SLC1A3: variants seen among roughly 807,000 people sequenced by gnomAD.
SLC1A3 encodes solute carrier family 1 member 3.
SLC1A3 carries 21 observed loss-of-function variants against 48.1 expected under a neutral mutation model. The ratio of observed to expected loss-of-function variants is 0.44; its 90% CI spans 0.31 to 0.63. The LOEUF (loss-of-function observed/expected upper bound fraction) is 0.63, where lower values mean the gene tolerates loss of function less well. Ranked by LOEUF, SLC1A3 falls within the 20% of genes least tolerant of loss-of-function variation. SLC1A3 has a pLI of 0.08. For missense variants in SLC1A3, 546 were observed against 689.0 expected (o/e 0.79, Z 2.32); for synonymous variants, 239 against 251.4 (o/e 0.95, Z 0.47).
At chr5:36,649,324 G>C (rs1189478995) in intron 3 of SLC1A3, 1 of 94,608 alleles carries the variant, frequency 1.1e-5, no homozygotes, top group African/African-American at 2.9e-5. Flanking sequence ...CTCCAGCCTG[G>C]GCAACAAAAG....
intron 3 of SLC1A3, among the ~76,000 whole-genome samples, chr5:36,662,078 G>T (rs916126896): frequency 6.6e-6 from 1 of 152,190 alleles, no homozygotes; most frequent in Non-Finnish European, 1.5e-5. Context: ...GGAAAGAAAG[G>T]GAGACAGGCT....
intron 3 of SLC1A3, among the ~76,000 whole-genome samples, chr5:36,643,364 G>A (rs1740697195): frequency 6.6e-6 from 1 of 151,924 alleles, no homozygotes; most frequent in African/African-American, 2.4e-5. Context: ...TATCAGGGTG[G>A]GTATTAAATG....
At chr5:36,621,633 GA>G (rs1000793253) in intron 2 of SLC1A3, among the ~76,000 whole-genome samples, 12 of 152,028 alleles carry the variant, frequency 7.9e-5, no homozygotes, top group Non-Finnish European at 1.6e-4. Context: ...TTACAAATTA[GA>G]AAAAAAATTT....
At chr5:36,661,962 C>T (rs145371119) in intron 3 of SLC1A3, among the ~76,000 whole-genome samples, 1,679 of 152,206 alleles carry the variant, frequency 0.011, 24 homozygotes, top group Non-Finnish European at 0.014. Context: ...GACAGTCATG[C>T]GGGAAGGTCT....
intron 3 of SLC1A3, among the ~76,000 whole-genome samples, chr5:36,660,014 A>G (rs1258509054): frequency 6.6e-6 from 1 of 152,282 alleles, no homozygotes; most frequent in South Asian, 2.1e-4. Context: ...TACCTTATGT[A>G]TAGTTCTTCT....
intron 5 of SLC1A3, 63 bp downstream of exon 5, chr5:36,674,154 G>A: frequency 7.7e-7 from 1 of 1,302,136 alleles, no homozygotes; most frequent in South Asian, 1.2e-5. Flanking sequence ...AAACCAAGTG[G>A]GACCCTCTTT....
At chr5:36,637,091 CTG>C (rs1197577354) in intron 3 of SLC1A3, among the ~76,000 whole-genome samples, 1 of 152,204 alleles carries the variant, frequency 6.6e-6, no homozygotes, top group African/African-American at 2.4e-5. Context: ...TCTTCTGTGC[CTG>C]TTCTCCAGGA....
At chr5:36,632,055 C>T (rs571649296) in intron 3 of SLC1A3, among the ~76,000 whole-genome samples, 15 of 152,122 alleles carry the variant, frequency 9.9e-5, no homozygotes, top group Non-Finnish European at 1.8e-4. Context: ...TTTTTGTTTT[C>T]CTATTTTGAT....
At chr5:36,627,667 G>T (rs1864213) in intron 2 of SLC1A3, among the ~76,000 whole-genome samples, 97,082 of 152,026 alleles carry the variant, frequency 0.64, 31,304 homozygotes, top group Admixed American at 0.71. Context: ...ATGTTTATGG[G>T]GACCGTATAT....
chr5:36,656,219 A>T (rs1374321809), intron 3 of SLC1A3, among the ~76,000 whole-genome samples: 1 of 152,192 alleles, frequency 6.6e-6, no homozygotes, highest in African/African-American at 2.4e-5. Flanking sequence ...CTGAAAGGTC[A>T]TTGTTATTAT....
upstream of SLC1A3, among the ~76,000 whole-genome samples, chr5:36,603,017 C>T (rs1738825287): frequency 6.6e-6 from 1 of 152,198 alleles, no homozygotes; most frequent in South Asian, 2.1e-4. Context: ...TGTAAATGCT[C>T]CTCCTGCCCC....
At chr5:36,603,939 AAATTTCCT>A (rs569162866), upstream of SLC1A3, among the ~76,000 whole-genome samples, 8 of 152,334 alleles carry the variant, frequency 5.3e-5, no homozygotes, top group African/African-American at 1.9e-4. Context: ...CAATTAACCA[AAATTTCCT>A]AATTTTGAAT....
intron 6 of SLC1A3, among the ~76,000 whole-genome samples, chr5:36,678,289 T>A (rs145281931): frequency 8.8e-4 from 134 of 152,290 alleles, no homozygotes; most frequent in Non-Finnish European, 1.1e-3. Flanking sequence ...CAAAGACAGA[T>A]CAGAATGTGG....
chr5:36,686,123 G>A lies in SLC1A3; in HGVS notation c.1483G>A (p.Glu495Lys), dbSNP rs1449022570. 6 of 1,614,188 alleles carry A rather than the reference G, an allele frequency of 3.7e-6. No homozygotes were observed. In the East Asian group the frequency reaches 1.1e-4, roughly 30 times the overall value. Residue 495 changes from glutamate to lysine, a missense_variant, in exon 10 of 10, where the codon GAG (glutamate) becomes AAG (lysine). Around this residue, in one of 3 missense-constraint regions of SLC1A3, gnomAD observed 56 missense variants for 59.0 expected, o/e 0.95. Transcript: ENST00000265113. ...LGDSLGAGIVEHLSRHELKNR... is the reference protein window; with the variant it reads ...LGDSLGAGIVKHLSRHELKNR... ...AGACTCCCTGGGAGCTGGGATTGTGGAGCACTTGTCACGACATGAACTGAA... is the reference window on the plus strand; with the variant it reads ...AGACTCCCTGGGAGCTGGGATTGTGAAGCACTTGTCACGACATGAACTGAA...
intron 8 of SLC1A3, among the ~76,000 whole-genome samples, chr5:36,682,333 T>C (rs990898767): frequency 3.9e-5 from 6 of 152,168 alleles, no homozygotes; most frequent in Non-Finnish European, 5.9e-5. Flanking sequence ...TAGAAAATGA[T>C]AATAGTTGTA....
chr5:36,646,697 C>T (rs891179589), intron 3 of SLC1A3, among the ~76,000 whole-genome samples: 1 of 152,182 alleles, frequency 6.6e-6, no homozygotes. Context: ...AATAATTGAC[C>T]TCCCTAGTGG....
At chr5:36,611,263 G>T (rs1402917340) in intron 2 of SLC1A3, among the ~76,000 whole-genome samples, 4 of 132,478 alleles carry the variant, frequency 3.0e-5, no homozygotes. Flanking sequence ...AAATTCCTAG[G>T]TTTTTATTGC....
chr5:36,604,684 A>AT (rs1738851393), upstream of SLC1A3, among the ~76,000 whole-genome samples: 1 of 152,118 alleles, frequency 6.6e-6, no homozygotes, highest in South Asian at 2.1e-4. Flanking sequence ...AGCTTTAGGG[A>AT]TTAGAGAGGA....
chr5:36,613,243 T>G (rs1739280934), intron 2 of SLC1A3: 1 of 190,474 alleles, frequency 5.3e-6, no homozygotes, highest in Non-Finnish European at 1.1e-5. Flanking sequence ...TCTTTGGATT[T>G]CAAGTGAATA....
Sources: gnomAD v4.1 joint callset for allele counts (sites outside exome capture counted in the v4.1 genomes callset) on GRCh38, gnomAD v4.1.1 for gene constraint, gnomAD v4.1.1 regional missense constraint, MANE v1.5 for transcripts, NCBI Gene and HGNC (gene_info 2026-07-23, HGNC 2026-07-21) for gene names.